Variants in ECHDC1 observed in about 807,000 individuals in gnomAD.
The protein encoded by ECHDC1 is ethylmalonyl-CoA decarboxylase 1.
ECHDC1 carries 29 observed loss-of-function variants against 29.7 expected under a neutral mutation model. That is an observed-to-expected ratio of 0.98 (90% CI 0.73 to 1.33). ECHDC1 has a LOEUF of 1.33. Ranked by LOEUF, ECHDC1 falls within the 40% of genes most tolerant of loss-of-function variation. ECHDC1 has a pLI of 0.00. For synonymous variants in ECHDC1, 126 were observed against 123.1 expected (o/e 1.02, Z -0.15); for missense variants, 328 against 350.0 (o/e 0.94, Z 0.50).
chr6:127,337,479 C>A (rs1014322696), intron 1 of ECHDC1, among the ~76,000 whole-genome samples: 1 of 152,162 alleles, frequency 6.6e-6, no homozygotes, highest in African/African-American at 2.4e-5. Flanking sequence ...TTTACCTATA[C>A]CCTGGAAGCA....
intron 5 of ECHDC1, 137 bp downstream of exon 5, chr6:127,314,679 T>A: frequency 1.5e-6 from 1 of 648,080 alleles, no homozygotes; most frequent in Non-Finnish European, 2.6e-6. Flanking sequence ...CTTTAATGAC[T>A]GACAAAAAGA....
chr6:127,300,786 T>A (rs1245455971), intron 5 of ECHDC1, among the ~76,000 whole-genome samples: 1 of 152,184 alleles, frequency 6.6e-6, no homozygotes, highest in Admixed American at 6.5e-5. Context: ...TTTGGTCTCA[T>A]GAGACAAGGT....
At chr6:127,342,017 C>A (rs1165425370) in intron 1 of ECHDC1, among the ~76,000 whole-genome samples, 2 of 152,248 alleles carry the variant, frequency 1.3e-5, no homozygotes, top group Non-Finnish European at 2.9e-5. Context: ...ACTTTCAGTT[C>A]CTGAAATCCT....
Position 127,311,088 on chromosome 6 carries a change from G to A in ECHDC1, c.497+3728C>T, listed in dbSNP as rs767345692. On this transcript the variant is annotated intron_variant, in intron 5 of 5. Transcript: ENST00000454859. The stretch of plus-strand genomic sequence containing the variant: ...TACGCACTGGGAAACCAAACAGTTC[G>A]TGTGACTCACTTTATTGTGATATTA... 1.4e-4 allele frequency among the ~76,000 whole-genome samples: 22 copies of A among 152,244 alleles called. 1 individual carries two copies. Among genetic ancestry groups the A allele is most frequent in the South Asian group, 2.1e-4 (1 of 4,822 alleles).
At chr6:127,322,319 C>T (rs1249642082) in intron 3 of ECHDC1, among the ~76,000 whole-genome samples, 1 of 151,982 alleles carries the variant, frequency 6.6e-6, no homozygotes, top group Admixed American at 6.6e-5. Flanking sequence ...TAAAATAAAA[C>T]GAGATCAATG....
intron 3 of ECHDC1, among the ~76,000 whole-genome samples, chr6:127,324,654 G>A (rs918427864): frequency 6.6e-6 from 1 of 152,118 alleles, no homozygotes; most frequent in Non-Finnish European, 1.5e-5. Context: ...GAAAATACAA[G>A]ATTAACTTGG....
chr6:127,329,392 A>C (rs1374925640), intron 2 of ECHDC1, among the ~76,000 whole-genome samples: 1 of 152,222 alleles, frequency 6.6e-6, no homozygotes, highest in East Asian at 1.9e-4. Context: ...ATTGAATAAA[A>C]AATTATTTGT....
intron 1 of ECHDC1, chr6:127,342,330 C>T: frequency 1.3e-6 from 2 of 1,540,708 alleles, no homozygotes; most frequent in South Asian, 2.4e-5. Flanking sequence ...TCTCCAACTA[C>T]CCTGTTTATA....
At chr6:127,340,742 GTTT>G (rs68050011) in intron 1 of ECHDC1, among the ~76,000 whole-genome samples, 4 of 146,614 alleles carry the variant, frequency 2.7e-5, no homozygotes, top group Non-Finnish European at 1.5e-5. Flanking sequence ...TGCTTTAAAA[GTTT>G]TTTTTTTTTT....
At chr6:127,294,030 C>T (rs1050829124) in intron 5 of ECHDC1, among the ~76,000 whole-genome samples, 5 of 152,106 alleles carry the variant, frequency 3.3e-5, no homozygotes, top group African/African-American at 1.2e-4. Context: ...ATGGTTGAAG[C>T]AGAAGATTGC....
chr6:127,309,093 C>T (rs921955254), intron 5 of ECHDC1, among the ~76,000 whole-genome samples: 15 of 151,858 alleles, frequency 9.9e-5, no homozygotes, highest in South Asian at 6.2e-4. Flanking sequence ...TCACATAAAT[C>T]GAAAAAAAGA....
intron 5 of ECHDC1, among the ~76,000 whole-genome samples, chr6:127,291,531 AG>A (rs1780184373): frequency 6.6e-6 from 1 of 152,114 alleles, no homozygotes; most frequent in Non-Finnish European, 1.5e-5. Context: ...ATAACAATAA[AG>A]GGGAGTTAAC....
At chr6:127,291,293 T>A (rs1780158179) in intron 5 of ECHDC1, among the ~76,000 whole-genome samples, 2 of 151,428 alleles carry the variant, frequency 1.3e-5, no homozygotes, top group Admixed American at 6.6e-5. Flanking sequence ...TTTTTTTTTT[T>A]TTAAGGAACT....
chr6:127,291,432 T>G (rs1046915745), intron 5 of ECHDC1, among the ~76,000 whole-genome samples: 2 of 152,120 alleles, frequency 1.3e-5, no homozygotes, highest in Admixed American at 1.3e-4. Context: ...GATAGTGGCT[T>G]GGATTAGACT....
chr6:127,315,075 C>T, intron 4 of ECHDC1, 179 bp from the exon 5 acceptor site: 1 of 705,076 alleles, frequency 1.4e-6, no homozygotes, highest in Middle Eastern at 2.3e-4. Flanking sequence ...AGAAGAAAAA[C>T]AGTGTAATAC....
At chr6:127,319,064 T>C (rs530797906) in intron 3 of ECHDC1, among the ~76,000 whole-genome samples, 138 of 152,348 alleles carry the variant, frequency 9.1e-4, no homozygotes, top group African/African-American at 3.2e-3. Flanking sequence ...CAATGAAGTA[T>C]CTAGAATTGG....
chr6:127,327,169 C>A, intron 2 of ECHDC1, 25 bp from the exon 3 acceptor site: 1 of 1,609,648 alleles, frequency 6.2e-7, no homozygotes, highest in South Asian at 1.1e-5. Flanking sequence ...AGTGGGAAAT[C>A]ACAAATATAT....
intron 5 of ECHDC1, among the ~76,000 whole-genome samples, chr6:127,305,256 G>T (rs974663260): frequency 6.6e-6 from 1 of 152,162 alleles, no homozygotes. Context: ...TACAGGCCAG[G>T]AGAGAATGGT....
In ECHDC1 at chr6:127,327,503, TG is replaced by T. The variant is rs1187085899; in HGVS notation, c.221-360del. Among the ~76,000 whole-genome samples the T allele has an allele frequency of 2.8e-4, 43 of 152,296 alleles. No individual in the cohort carries two copies. The South Asian group carries it at 8.5e-3, about 30-fold the overall frequency. Reference sequence around the variant, plus strand: ...TTAGGGTAAAGATAAGACATAGACCTGACTTCTCAGCAATACATGTCTCAGT... The same window carrying T: ...TTAGGGTAAAGATAAGACATAGACCTACTTCTCAGCAATACATGTCTCAGT... On this transcript the variant is annotated intron_variant, in intron 2 of 5. Transcript: ENST00000454859.
Sources: allele counts gnomAD v4.1 joint callset (sites outside exome capture counted in the v4.1 genomes callset), GRCh38; gene constraint gnomAD v4.1.1; transcripts MANE v1.5; gene names NCBI Gene and HGNC (gene_info 2026-07-23, HGNC 2026-07-21).